MECR: variants seen among roughly 807,000 people sequenced by gnomAD.
MECR encodes the protein mitochondrial trans-2-enoyl-CoA reductase.
MECR carries 37 observed loss-of-function variants against 49.1 expected under a neutral mutation model. The observed-to-expected ratio is 0.75, with a 90% CI of 0.58 to 0.99. The LOEUF (loss-of-function observed/expected upper bound fraction) is 0.99. Among genes scored for constraint, MECR ranks in the 50% least tolerant of loss-of-function variants. The probability of loss-of-function intolerance (pLI) is 0.00; values close to 1 mark genes in which losing one functional copy is unlikely to be tolerated. For synonymous variants in MECR, 198 were observed against 191.1 expected (o/e 1.04, Z -0.30); for missense variants, 470 against 479.6 (o/e 0.98, Z 0.19).
the MECR span, among the ~76,000 whole-genome samples, chr1:29,168,076 C>T: frequency 2.6e-5 from 4 of 150,994 alleles, no homozygotes; most frequent in East Asian, 1.9e-4. Context: ...AGCGCAGCGG[C>T]GCGATCTCCA....
rs1676757721 is a variant in MECR at position 29,206,982 on chromosome 1, A to G, written c.407-77T>C. On this transcript the variant is annotated intron_variant, in intron 3 of 9. Transcript: ENST00000263702. The stretch of plus-strand genomic sequence containing the variant: ...CAACCCCAGCTCACCCTCCTTGGCC[A>G]AGAAGCATCCAGGATAGTGGGTAGC... The G allele has an allele frequency of 2.6e-6, 4 of 1,546,116 alleles. No individual in the cohort carries two copies. In the Admixed American group the frequency reaches 5.1e-5, roughly 20 times the overall value.
the MECR span, among the ~76,000 whole-genome samples, chr1:29,175,694 C>CAAAAAAAAAAAAAAA: frequency 2.6e-5 from 1 of 38,588 alleles, no homozygotes; most frequent in Non-Finnish European, 4.1e-5. Context: ...GACGCTGTCT[C>CAAAAAAAAAAAAAAA]AAAAAAAAAA....
chr1:29,220,236 A>AAT (rs1553347161), intron 1 of MECR, among the ~76,000 whole-genome samples: 1 of 150,994 alleles, frequency 6.6e-6, no homozygotes, highest in African/African-American at 2.4e-5. Context: ...ACTAAAAAAA[A>AAT]AAAAAAATAC....
chr1:29,206,958 A>T, intron 3 of MECR, 53 bp from the exon 4 acceptor site: 1 of 1,601,918 alleles, frequency 6.2e-7, no homozygotes, highest in Admixed American at 1.7e-5. Flanking sequence ...GTGCACATTC[A>T]ACCCCAGCTC....
intron 3 of MECR, among the ~76,000 whole-genome samples, chr1:29,207,592 A>T (rs1419114143): frequency 6.6e-6 from 1 of 152,006 alleles, no homozygotes; most frequent in Non-Finnish European, 1.5e-5. Context: ...AAAAAAAAAA[A>T]AAAATTAGCT....
chr1:29,194,631 C>T (rs111911376), intron 9 of MECR, among the ~76,000 whole-genome samples: 15 of 152,276 alleles, frequency 9.9e-5, no homozygotes, highest in Non-Finnish European at 1.6e-4. Flanking sequence ...CCCTGAGAGC[C>T]CAGGACTCCC....
intron 3 of MECR, among the ~76,000 whole-genome samples, chr1:29,207,616 T>G (rs962792935): frequency 2.0e-5 from 3 of 151,390 alleles, no homozygotes; most frequent in African/African-American, 2.4e-5. Flanking sequence ...CATAATGCCC[T>G]GCAGTCCCGG....
intron 1 of MECR, among the ~76,000 whole-genome samples, chr1:29,229,393 T>C (rs931491286): frequency 4.6e-5 from 7 of 152,200 alleles, no homozygotes; most frequent in East Asian, 3.9e-4. Flanking sequence ...TTAGTAGAGA[T>C]GGGGTTTCGC....
the MECR span, among the ~76,000 whole-genome samples, chr1:29,185,031 CAGG>C: frequency 8.6e-5 from 13 of 151,406 alleles, no homozygotes; most frequent in Non-Finnish European, 1.8e-4. Context: ...GAGGCTGAGG[CAGG>C]AGAATAGCTT....
chr1:29,223,191 A>G, intron 1 of MECR: 1 of 985,388 alleles, frequency 1.0e-6, no homozygotes, highest in Non-Finnish European at 1.2e-6. Context: ...AGGGGATGCC[A>G]CTGTCCTCAA....
At chr1:29,230,331 T>C (rs1683118423) in intron 1 of MECR, 2 of 204,408 alleles carry the variant, frequency 9.8e-6, no homozygotes, top group Non-Finnish European at 1.0e-5. Context: ...AGACATAGGT[T>C]GGAATTCTGA....
chr1:29,191,310 A>AT (rs111622816), downstream of MECR, among the ~76,000 whole-genome samples: 137 of 147,402 alleles, frequency 9.3e-4, no homozygotes, highest in East Asian at 1.8e-3. Context: ...GAAGAATCCT[A>AT]TTTTTTTTTT....
chr1:29,211,454 G>A (rs1203553690), intron 3 of MECR, among the ~76,000 whole-genome samples: 1 of 152,232 alleles, frequency 6.6e-6, no homozygotes, highest in Non-Finnish European at 1.5e-5. Context: ...GAGTTGGGTA[G>A]TCACAAAGAT....
intron 9 of MECR, among the ~76,000 whole-genome samples, chr1:29,194,433 C>T (rs1673475187): frequency 6.6e-6 from 1 of 152,196 alleles, no homozygotes; most frequent in Admixed American, 6.5e-5. Flanking sequence ...AGAGACCACC[C>T]TTCAGAGTGG....
intron 3 of MECR, among the ~76,000 whole-genome samples, chr1:29,210,641 T>G (rs1396343173): frequency 6.6e-6 from 1 of 152,148 alleles, no homozygotes; most frequent in Admixed American, 6.5e-5. Context: ...CTCAAGAGAC[T>G]CTGGGTGGGA....
intron 3 of MECR, among the ~76,000 whole-genome samples, chr1:29,210,432 C>G (rs187533040): frequency 6.6e-6 from 1 of 152,330 alleles, no homozygotes; most frequent in African/African-American, 2.4e-5. Flanking sequence ...ATCCTGTGGG[C>G]TTCCCCCGGA....
rs749351701 is a variant in MECR, at chr1:29,230,887, A to C, written c.20T>G (p.Leu7Arg). 1.2e-6 allele frequency: 2 copies of C among 1,608,132 alleles called. No individual in the cohort carries two copies. The highest frequency in any genetic ancestry group is 1.1e-5 in the South Asian group (1 of 90,860). The change falls in exon 1 of 10, where the codon CTG becomes CGG. Residue 7 changes from leucine (L) to arginine (R), a missense_variant. Leu to Arg is a moderately radical substitution (Grantham distance 102). Transcript: ENST00000263702. ...CCGGGCGGGGGTTCGCACCCGCCAC[A>C]GGGTACTGCAGACCCACATGCTCGC... MWVCSTLWRVRTPARQW... is the reference protein window; with the variant it reads MWVCSTRWRVRTPARQW...
rs748760415 is a variant in MECR, at chr1:29,193,162, C to A, written c.*860G>T. On this transcript the variant is annotated 3_prime_UTR_variant, in exon 10 of 10. Transcript: ENST00000263702. ...GTTTCACCACGTTACCTAGGTTGACCTTGAACTCCTGGGCTCAAGTGATCC... is the reference window on the plus strand; with the variant it reads ...GTTTCACCACGTTACCTAGGTTGACATTGAACTCCTGGGCTCAAGTGATCC... 1 of 186,382 alleles carries A rather than the reference C, an allele frequency of 5.4e-6. No homozygotes were observed. The highest frequency in any genetic ancestry group is 4.2e-5 in the Admixed American group (1 of 23,658). 11.5% of individuals were successfully genotyped at this position (186,382 alleles called of 1,614,324 possible). A position where few individuals can be genotyped will look rare whatever the true frequency, so the allele number is the denominator to read the frequency against.
intron 7 of MECR, among the ~76,000 whole-genome samples, chr1:29,199,888 A>T (rs1393773012): frequency 6.6e-6 from 1 of 151,974 alleles, no homozygotes; most frequent in Non-Finnish European, 1.5e-5. Context: ...GATTACAAGC[A>T]TGAACCACTA....
Sources: gnomAD v4.1 joint callset for allele counts (sites outside exome capture counted in the v4.1 genomes callset) on GRCh38, gnomAD v4.1.1 for gene constraint, MANE v1.5 for transcripts, NCBI Gene and HGNC (gene_info 2026-07-23, HGNC 2026-07-21) for gene names.